Variants in NEK9 observed in about 807,000 individuals in gnomAD.
The protein encoded by NEK9 is NIMA related kinase 9.
NEK9 carries 75 observed loss-of-function variants against 123.4 expected under a neutral mutation model. The observed-to-expected ratio is 0.61, with a 90% CI of 0.50 to 0.74. The LOEUF (loss-of-function observed/expected upper bound fraction) is 0.74. Among genes scored for constraint, NEK9 ranks in the 30% least tolerant of loss-of-function variants. The pLI is 0.00. For synonymous variants in NEK9, 438 were observed against 458.7 expected, an observed-to-expected ratio of 0.95 and a Z score of 0.58; for missense variants, 952 against 1,214.4, an observed-to-expected ratio of 0.78 and a Z score of 3.21.
intron 1 of NEK9, 76 bp downstream of exon 1, chr14:75,126,627 A>G: frequency 8.3e-7 from 1 of 1,201,312 alleles, no homozygotes; most frequent in East Asian, 3.2e-5. Context: ...CGACGCTGGG[A>G]AAGCGGGGCC....
At chr14:75,112,582 G>A (rs1038344429) in intron 8 of NEK9, among the ~76,000 whole-genome samples, 2 of 152,192 alleles carry the variant, frequency 1.3e-5, no homozygotes, top group African/African-American at 2.4e-5. Flanking sequence ...CCAACACTTT[G>A]GGAGGCTGAG....
At chr14:75,112,961 G>A (rs992668461) in intron 8 of NEK9, among the ~76,000 whole-genome samples, 2 of 152,186 alleles carry the variant, frequency 1.3e-5, no homozygotes, top group African/African-American at 4.8e-5. Flanking sequence ...CTTTATAGAG[G>A]AGAAAGCCAA....
Position 75,097,104 on chromosome 14 carries a change from G to A in NEK9, c.2169C>T (p.Ile723=), listed in dbSNP as rs755218452. 35 of 1,603,456 alleles carry A rather than the reference G, an allele frequency of 2.2e-5. No homozygotes were observed. Among genetic ancestry groups the A allele is most frequent in the Admixed American group, 6.9e-5 (4 of 58,252 alleles). ...CCAGACATATGAAACTCTTACCAAC[G>A]ATGAGAATGGTATGCCATCCACGGC... The part of the protein sequence containing the change: ...LSCRGWHTIL[I]VEKVLNSKTI... The change falls in exon 17 of 22, where the codon ATC becomes ATT. Residue 723 remains isoleucine (I), a synonymous_variant. Coordinates refer to ENST00000238616, the MANE Select transcript of NEK9 (RefSeq NM_033116.6).
At chr14:75,098,745 T>C (rs769103116) in intron 16 of NEK9, among the ~76,000 whole-genome samples, 17 of 152,162 alleles carry the variant, frequency 1.1e-4, no homozygotes, top group Non-Finnish European at 2.4e-4. Context: ...CAGAGGAGTA[T>C]AGGAACATCA....
chr14:75,090,142 T>A (rs564303094), intron 19 of NEK9, among the ~76,000 whole-genome samples: 70 of 151,640 alleles, frequency 4.6e-4, no homozygotes, highest in African/African-American at 1.6e-3. Context: ...CCTGGCCTTA[T>A]TTTTTTTTAA....
chr14:75,079,440 C>T lies in NEK9; in HGVS notation c.*5124G>A, dbSNP rs1259553702. On this transcript the variant is annotated 3_prime_UTR_variant, in exon 22 of 22. Coordinates refer to ENST00000238616, the MANE Select transcript of NEK9 (RefSeq NM_033116.6). ...GTTAGCCCCTTAAGGAAACCTCACA[C>T]AGAGATAATGGATATTTAACCTAAT... is the stretch of plus-strand genomic sequence containing the variant. The T allele has an allele frequency of 6.6e-6, 1 of 152,134 alleles. No individual in the cohort carries two copies. The highest frequency in any genetic ancestry group is 2.4e-5 in the African/African-American group (1 of 41,426). The allele number at this position is 152,134 out of a possible 1,614,324, so 9.4% of individuals were successfully genotyped here. A position where few individuals can be genotyped will look rare whatever the true frequency, so the allele number is the denominator to read the frequency against.
At chr14:75,109,302 A>T (rs1894883493) in intron 10 of NEK9, among the ~76,000 whole-genome samples, 1 of 152,222 alleles carries the variant, frequency 6.6e-6, no homozygotes, top group African/African-American at 2.4e-5. Flanking sequence ...GACATGGTAT[A>T]GTCCTTCCTT....
At chr14:75,088,351 G>T in intron 20 of NEK9, 129 bp downstream of exon 20, 2 of 859,526 alleles carry the variant, frequency 2.3e-6, no homozygotes, top group Non-Finnish European at 1.8e-6. Context: ...AAGTACTGCT[G>T]AATAGACAGT....
intron 13 of NEK9, among the ~76,000 whole-genome samples, chr14:75,104,768 C>T (rs1190037927): frequency 2.0e-5 from 3 of 152,236 alleles, no homozygotes; most frequent in Non-Finnish European, 4.4e-5. Flanking sequence ...CAGGCGTGAG[C>T]CATTGTGCTC....
At chr14:75,088,664 C>A in intron 19 of NEK9, 23 bp from the exon 20 acceptor site, 2 of 1,605,024 alleles carry the variant, frequency 1.2e-6, no homozygotes, top group South Asian at 2.2e-5. Context: ...GAAAGAATCT[C>A]ATTAGTCTGT....
intron 4 of NEK9, 82 bp from the exon 5 acceptor site, chr14:75,119,017 G>T: frequency 2.5e-6 from 2 of 809,946 alleles, no homozygotes; most frequent in Non-Finnish European, 4.1e-6. Context: ...GATTATTACA[G>T]AATAAAAATG....
In NEK9 at chr14:75,121,127, C is replaced by A; in HGVS notation, c.445G>T (p.Glu149Ter). The A allele has an allele frequency of 6.2e-7, 1 of 1,612,506 alleles. No individual in the cohort carries two copies. Among genetic ancestry groups the A allele is most frequent in the Non-Finnish European group, 8.5e-7 (1 of 1,178,548 alleles). ...ACAGAAATATGAATTACCTCTTCCT[C>A]AAACAACTTGTCCTTCTGACGAAGG... ...KILRQKDKLF[E>*]EEMVVWYLFQ... Residue 149 changes from glutamate (E) to a stop codon, truncating the protein, a stop_gained, in exon 3 of 22, where the codon GAG becomes TAG. Transcript: ENST00000238616. LOFTEE classifies it high-confidence loss of function.
chr14:75,127,125 C>A (rs570671857), upstream of NEK9: 41 of 517,184 alleles, frequency 7.9e-5, no homozygotes, highest in African/African-American at 7.9e-4. Flanking sequence ...TGCTTACCCT[C>A]TTGGCTAGTC....
chr14:75,113,522 G>A, intron 7 of NEK9, 119 bp from the exon 8 acceptor site: 2 of 695,864 alleles, frequency 2.9e-6, no homozygotes, highest in South Asian at 3.6e-5. Flanking sequence ...CATTTCTTAT[G>A]TGATACTCCA....
At chr14:75,089,730 C>T (rs1278498969) in intron 19 of NEK9, among the ~76,000 whole-genome samples, 1 of 148,306 alleles carries the variant, frequency 6.7e-6, no homozygotes, top group Non-Finnish European at 1.5e-5. Context: ...GACGGAGTCT[C>T]GCTCTGTCAC....
intron 19 of NEK9, 71 bp downstream of exon 19, chr14:75,091,199 C>A: frequency 7.6e-7 from 1 of 1,313,286 alleles, no homozygotes; most frequent in Non-Finnish European, 1.0e-6. Context: ...ACTGAGAGAC[C>A]CTGACAGCTC....
intron 11 of NEK9, 75 bp from the exon 12 acceptor site, chr14:75,106,777 G>T: frequency 1.8e-6 from 2 of 1,117,330 alleles, no homozygotes; most frequent in Non-Finnish European, 2.6e-6. Context: ...GGCAGGGCTG[G>T]AATGAGGACT....
intron 10 of NEK9, 54 bp downstream of exon 10, chr14:75,109,631 C>A (rs1894892828): frequency 1.3e-6 from 2 of 1,509,354 alleles, no homozygotes; most frequent in Non-Finnish European, 1.8e-6. Context: ...CATCGTGGGC[C>A]CAGTAAACAA....
At chr14:75,126,160 G>A (rs1411627369) in intron 1 of NEK9, among the ~76,000 whole-genome samples, 1 of 152,138 alleles carries the variant, frequency 6.6e-6, no homozygotes, top group Non-Finnish European at 1.5e-5. Context: ...AACACACAAA[G>A]ATCTTCCCAA....
Sources: allele counts gnomAD v4.1 joint callset (sites outside exome capture counted in the v4.1 genomes callset), GRCh38; gene constraint gnomAD v4.1.1; transcripts MANE v1.5; gene names NCBI Gene and HGNC (gene_info 2026-07-23, HGNC 2026-07-21).